The following CILK1 variants were observed in gnomAD, a reference collection of about 807,000 sequenced individuals.
CILK1 encodes the protein ciliogenesis associated kinase 1.
CILK1 carries 47 observed loss-of-function variants against 79.2 expected under a neutral mutation model. The observed-to-expected ratio is 0.59, with a 90% CI of 0.47 to 0.76. CILK1 has a LOEUF of 0.76. CILK1 is among the 30% of genes least tolerant of loss of function. The pLI, the probability that CILK1 is intolerant of heterozygous loss-of-function variation, is 0.00. For missense variants in CILK1, 660 were observed against 769.5 expected (o/e 0.86, Z 1.68); for synonymous variants, 266 against 275.9 (o/e 0.96, Z 0.36).
chr6:53,042,870 T>C (rs2127454458), intron 1 of CILK1, among the ~76,000 whole-genome samples: 1 of 152,336 alleles, frequency 6.6e-6, no homozygotes, highest in Non-Finnish European at 1.5e-5. Context: ...CTGTTGTTAG[T>C]AGTATTGTGC....
chr6:53,002,146 G>A lies in CILK1; in HGVS notation c.*3003C>T, dbSNP rs1213747298. 3 of 152,184 alleles carry A rather than the reference G, an allele frequency of 2.0e-5. No homozygotes were observed. The highest frequency in any genetic ancestry group is 7.2e-5 in the African/African-American group (3 of 41,434). 9.4% of individuals were successfully genotyped at this position (152,184 alleles called of 1,614,324 possible). On this transcript the variant is annotated 3_prime_UTR_variant, in exon 14 of 14. Coordinates refer to ENST00000676107, the MANE Select transcript of CILK1 (RefSeq NM_014920.5). Reference sequence around the variant, plus strand: ...CATAAATCCTATCACACATGGGCTGGGTGAGGGCTTGGTAATTAATGGAAT... The same window carrying A: ...CATAAATCCTATCACACATGGGCTGAGTGAGGGCTTGGTAATTAATGGAAT...
chr6:53,006,343 G>C lies in CILK1; in HGVS notation c.1716C>G (p.His572Gln). The change falls in exon 13 of 14, where the codon CAC becomes CAG. Residue 572 changes from histidine to glutamine, a missense_variant. Physicochemically the swap from His to Gln is conservative, Grantham distance 24. Coordinates refer to ENST00000676107, the MANE Select transcript of CILK1 (RefSeq NM_014920.5). ...GGGAAGGGTCTGGAATAGGTGCTAG[G>C]TGTACCCTCTGCATAGCAGAACCGA... ...KEIGSAMQRV[H>Q]LAPIPDPSPG... 2 of 1,613,846 alleles carry C rather than the reference G, an allele frequency of 1.2e-6. No homozygotes were observed. Among genetic ancestry groups the C allele is most frequent in the Non-Finnish European group, 1.7e-6 (2 of 1,179,810 alleles).
intron 2 of CILK1, 24 bp from the exon 3 acceptor site, chr6:53,038,017 C>T (rs1766469088): frequency 1.3e-6 from 2 of 1,515,138 alleles, no homozygotes; most frequent in Admixed American, 3.3e-5. Flanking sequence ...AAGAAACAAA[C>T]AGCACACTTA....
chr6:53,058,745 C>T (rs1337900578), intron 1 of CILK1, among the ~76,000 whole-genome samples: 1 of 151,990 alleles, frequency 6.6e-6, no homozygotes, highest in Non-Finnish European at 1.5e-5. Context: ...ACAGAGAGGT[C>T]ATTATATCCA....
intron 5 of CILK1, among the ~76,000 whole-genome samples, chr6:53,023,694 T>C (rs1235427879): frequency 6.6e-6 from 1 of 152,238 alleles, no homozygotes; most frequent in African/African-American, 2.4e-5. Flanking sequence ...GATGTGGTTA[T>C]ATGTGAAAAT....
In CILK1 at chr6:53,011,890, G is replaced by C. The variant is rs1764594266; in HGVS notation, c.1371C>G (p.Pro457=). 6.2e-7 allele frequency: 1 copy of C among 1,614,164 alleles called. No individual in the cohort carries two copies. Among genetic ancestry groups the C allele is most frequent in the Non-Finnish European group, 8.5e-7 (1 of 1,180,028 alleles). The part of the protein sequence containing the change: ...CRFESVLDLK[P]SEPVGTGNSA... ...TGTTTCCTGTGCCCACAGGCTCAGA[G>C]GGCTTCAGGTCCAAAACACTCTCAA... Residue 457 remains proline, a synonymous_variant, in exon 11 of 14, where the codon CCC becomes CCG. Coordinates refer to ENST00000676107, the MANE Select transcript of CILK1 (RefSeq NM_014920.5).
intron 5 of CILK1, among the ~76,000 whole-genome samples, chr6:53,027,869 C>T (rs947269810): frequency 7.9e-5 from 12 of 151,472 alleles, no homozygotes; most frequent in African/African-American, 1.2e-4. Flanking sequence ...AGCCGGGCGC[C>T]GGGCACAGTG....
chr6:53,032,523 C>A lies in CILK1; in HGVS notation c.278+10G>T. 6.4e-7 allele frequency: 1 copy of A among 1,574,282 alleles called. No individual in the cohort carries two copies. Among genetic ancestry groups the A allele is most frequent in the South Asian group, 1.2e-5 (1 of 83,514 alleles). Reference sequence around the variant, plus strand: ...ATTTCTATAATAAGATAATGATGACCAAACTGTACCTCTCTTTAATGAGCT... The same window carrying A: ...ATTTCTATAATAAGATAATGATGACAAAACTGTACCTCTCTTTAATGAGCT... On this transcript the variant is annotated intron_variant, in intron 4 of 13. Transcript: ENST00000676107.
Position 53,005,164 on chromosome 6 carries a change from G to C in CILK1, c.1884C>G (p.Tyr628Ter). The C allele has an allele frequency of 6.2e-7, 1 of 1,614,146 alleles. No homozygotes were observed. Among genetic ancestry groups the C allele is most frequent in the South Asian group, 1.1e-5 (1 of 91,080 alleles). Residue 628 changes from tyrosine to a stop codon, truncating the protein, a stop_gained, in exon 14 of 14, where the codon TAC becomes TAG. Transcript: ENST00000676107. LOFTEE classifies it high-confidence loss of function. ...AGGCAGACAGTCATCGCCGAGATGCGTACTTGGAAGCCCAGTCTGTCCGGC... is the reference window on the plus strand; with the variant it reads ...AGGCAGACAGTCATCGCCGAGATGCCTACTTGGAAGCCCAGTCTGTCCGGC... ...VHGRTDWASK[Y>*]ASRR
At chr6:53,006,249 G>T in intron 13 of CILK1, 66 bp downstream of exon 13, 1 of 1,499,776 alleles carries the variant, frequency 6.7e-7, no homozygotes, top group Non-Finnish European at 9.3e-7. Flanking sequence ...AACATGCCTG[G>T]CACAAAGCAG....
intron 1 of CILK1, chr6:53,060,918 C>G (rs1466896645): frequency 6.6e-6 from 1 of 152,174 alleles, no homozygotes; most frequent in Admixed American, 6.5e-5. Flanking sequence ...AAAATTCAAA[C>G]CCCACAAGCG....
intron 1 of CILK1, chr6:53,060,987 T>C (rs1392710098): frequency 1.3e-5 from 2 of 152,224 alleles, no homozygotes; most frequent in East Asian, 3.8e-4. Flanking sequence ...TCCCTCAGCC[T>C]AGCACAGCTC....
intron 13 of CILK1, 34 bp from the exon 14 acceptor site, chr6:53,005,337 A>AT: frequency 1.2e-6 from 2 of 1,612,140 alleles, no homozygotes; most frequent in South Asian, 2.2e-5. Context: ...CATGACTGAT[A>AT]TGGGGCCAAT....
chr6:53,012,690 C>T (rs1026174862), intron 9 of CILK1, among the ~76,000 whole-genome samples: 1 of 152,168 alleles, frequency 6.6e-6, no homozygotes, highest in Non-Finnish European at 1.5e-5. Flanking sequence ...TTAGCTACAA[C>T]AGGACATTTC....
intron 11 of CILK1, among the ~76,000 whole-genome samples, chr6:53,010,940 C>T (rs2127406512): frequency 6.6e-6 from 1 of 152,338 alleles, no homozygotes; most frequent in Admixed American, 6.5e-5. Context: ...TTGTGTGACC[C>T]AGTGGCCCTG....
rs946207271 is a variant in CILK1, at chr6:53,003,764, A to G, written c.*1385T>C. The G allele has an allele frequency of 2.0e-5, 3 of 152,506 alleles. No homozygotes were observed. The highest frequency in any genetic ancestry group is 4.1e-4 in the South Asian group (2 of 4,826). 9.4% of individuals were successfully genotyped at this position (152,506 alleles called of 1,614,324 possible). On this transcript the variant is annotated 3_prime_UTR_variant, in exon 14 of 14. Transcript: ENST00000676107. ...TAAAAGATTACTTACATATGGTTCA[A>G]TTTGTCATTATCCTGGAACCAATAG...
chr6:53,058,169 T>A (rs1304549662), intron 1 of CILK1, among the ~76,000 whole-genome samples: 1 of 152,136 alleles, frequency 6.6e-6, no homozygotes, highest in Non-Finnish European at 1.5e-5. Flanking sequence ...TCTGTTTGGG[T>A]TGAGTGTTTC....
intron 11 of CILK1, 151 bp from the exon 12 acceptor site, chr6:53,009,718 C>T: frequency 1.4e-6 from 1 of 703,462 alleles, no homozygotes; most frequent in South Asian, 1.8e-5. Flanking sequence ...TGTCATCTGA[C>T]AGATGTCCGA....
At chr6:53,012,491 A>G (rs1764635419) in intron 9 of CILK1, among the ~76,000 whole-genome samples, 1 of 152,194 alleles carries the variant, frequency 6.6e-6, no homozygotes, top group Non-Finnish European at 1.5e-5. Flanking sequence ...CTTCTTACAC[A>G]CCAGGAAGAT....
Sources: allele counts gnomAD v4.1 joint callset (sites outside exome capture counted in the v4.1 genomes callset), GRCh38; gene constraint gnomAD v4.1.1; transcripts MANE v1.5; gene names NCBI Gene and HGNC (gene_info 2026-07-23, HGNC 2026-07-21).